Variants in BMP5 observed in about 807,000 individuals in gnomAD.
BMP5 encodes the protein bone morphogenetic protein 5.
A neutral mutation model predicts 46.6 loss-of-function variants in BMP5; 23 were observed. The observed-to-expected ratio is 0.49, with a 90% CI of 0.35 to 0.70. The LOEUF (loss-of-function observed/expected upper bound fraction) is 0.70. Ranked by LOEUF, BMP5 falls within the 30% of genes least tolerant of loss-of-function variation. The pLI, the probability that BMP5 is intolerant of heterozygous loss-of-function variation, is 0.00. For missense variants in BMP5, 545 were observed against 565.6 expected (o/e 0.96, Z 0.37); for synonymous variants, 204 against 191.9 (o/e 1.06, Z -0.52).
Position 55,839,748 on chromosome 6 carries a change from T to C in BMP5, c.491-19901A>G, listed in dbSNP as rs776656142. Among the ~76,000 whole-genome samples the C allele has an allele frequency of 1.1e-3, 162 of 152,210 alleles. 4 individuals carry two copies. The highest frequency in any genetic ancestry group is 2.8e-4 in the Non-Finnish European group (19 of 68,042). On this transcript the variant is annotated intron_variant, in intron 1 of 6. Coordinates refer to ENST00000370830, the MANE Select transcript of BMP5 (RefSeq NM_021073.4). Reference sequence around the variant, plus strand: ...TTATCCTTTTTAAATTTTGCTATTGTAGACAGTGTTATTTTAATTTACTTT... The same window carrying C: ...TTATCCTTTTTAAATTTTGCTATTGCAGACAGTGTTATTTTAATTTACTTT...
chr6:55,780,353 G>T (rs1022774933), intron 3 of BMP5, among the ~76,000 whole-genome samples: 7 of 150,748 alleles, frequency 4.6e-5, no homozygotes, highest in Admixed American at 2.7e-4. Context: ...AGGAATGGTG[G>T]CTCACGCCTG....
chr6:55,801,464 T>C (rs1452215343), intron 2 of BMP5, among the ~76,000 whole-genome samples: 1 of 152,232 alleles, frequency 6.6e-6, no homozygotes, highest in African/African-American at 2.4e-5. Flanking sequence ...CACTTTGTCC[T>C]CATGGGTTCC....
chr6:55,837,272 C>G (rs1190481084), intron 1 of BMP5, among the ~76,000 whole-genome samples: 1 of 151,588 alleles, frequency 6.6e-6, no homozygotes, highest in African/African-American at 2.4e-5. Flanking sequence ...ATTGACTTAA[C>G]TTTATGCTTT....
intron 3 of BMP5, among the ~76,000 whole-genome samples, chr6:55,778,274 G>T (rs1775225679): frequency 6.6e-6 from 1 of 151,958 alleles, no homozygotes; most frequent in African/African-American, 2.4e-5. Flanking sequence ...AAAAAGCTTG[G>T]TTGCTGGAAG....
chr6:55,771,059 A>C (rs918912555), intron 4 of BMP5, among the ~76,000 whole-genome samples: 2 of 151,920 alleles, frequency 1.3e-5, no homozygotes, highest in Non-Finnish European at 2.9e-5. Context: ...GCTGTTGGAA[A>C]AAATGTCACC....
intron 3 of BMP5, among the ~76,000 whole-genome samples, chr6:55,790,311 C>G (rs1303416786): frequency 6.6e-6 from 1 of 152,126 alleles, no homozygotes; most frequent in African/African-American, 2.4e-5. Flanking sequence ...AATTACCATT[C>G]AAGACATTTT....
At chr6:55,871,554 C>G (rs1311977919) in intron 1 of BMP5, among the ~76,000 whole-genome samples, 1 of 151,730 alleles carries the variant, frequency 6.6e-6, no homozygotes, top group African/African-American at 2.4e-5. Context: ...TTAGTAAATT[C>G]AAATCTATTT....
At chr6:55,811,635 T>G (rs1238381604) in intron 2 of BMP5, among the ~76,000 whole-genome samples, 1 of 152,012 alleles carries the variant, frequency 6.6e-6, no homozygotes. Context: ...CATACACCTC[T>G]GCCCTCTCTC....
intron 1 of BMP5, among the ~76,000 whole-genome samples, chr6:55,868,669 C>G (rs540653734): frequency 2.0e-5 from 3 of 152,262 alleles, no homozygotes; most frequent in Non-Finnish European, 2.9e-5. Context: ...GGTCAAGACT[C>G]ATACAAACTA....
At chr6:55,792,656 G>C (rs1271153413) in intron 3 of BMP5, among the ~76,000 whole-genome samples, 1 of 152,044 alleles carries the variant, frequency 6.6e-6, no homozygotes, top group Non-Finnish European at 1.5e-5. Flanking sequence ...TCACAGCATC[G>C]GTAATGGTAT....
Position 55,755,375 on chromosome 6 carries a change from A to G in BMP5, c.*158T>C. Reference sequence around the variant, plus strand: ...CAGAAGAGAATATATACGTTTAAATAAATAAAAATGACTATATACATGATA... The same window carrying G: ...CAGAAGAGAATATATACGTTTAAATGAATAAAAATGACTATATACATGATA... On this transcript the variant is annotated 3_prime_UTR_variant, in exon 7 of 7. Transcript: ENST00000370830. 1 of 671,386 alleles carries G rather than the reference A, an allele frequency of 1.5e-6. No individual in the cohort carries two copies. The highest frequency in any genetic ancestry group is 2.5e-6 in the Non-Finnish European group (1 of 397,096). The allele number at this position is 671,386 out of a possible 1,614,324, so 41.6% of individuals were successfully genotyped here. A position where few individuals can be genotyped will look rare whatever the true frequency, so the allele number is the denominator to read the frequency against.
rs544588560 is a variant in BMP5 at position 55,853,303 on chromosome 6, GCTCT to G, written c.490+21069_490+21072del. ...TGAGTAAATTATCTTTCTATTCCTA[GCTCT>G]CTCTCTGTCTCTCTCCCCCTCCCCC... On this transcript the variant is annotated intron_variant, in intron 1 of 6. Coordinates refer to ENST00000370830, the MANE Select transcript of BMP5 (RefSeq NM_021073.4). Among the ~76,000 whole-genome samples, 13 of 149,926 alleles carry G rather than the reference GCTCT, an allele frequency of 8.7e-5. No homozygotes were observed. The East Asian group carries it at 2.1e-3, about 25-fold the overall frequency.
intron 1 of BMP5, among the ~76,000 whole-genome samples, chr6:55,869,470 T>C (rs934196453): frequency 2.0e-5 from 3 of 151,978 alleles, no homozygotes; most frequent in African/African-American, 4.8e-5. Context: ...TTTCTCATTA[T>C]CTCTTTTCAA....
At chr6:55,809,534 A>G (rs1776071175) in intron 2 of BMP5, among the ~76,000 whole-genome samples, 1 of 152,134 alleles carries the variant, frequency 6.6e-6, no homozygotes, top group African/African-American at 2.4e-5. Flanking sequence ...AGAAGAGATA[A>G]GAAAAGGAAT....
intron 1 of BMP5, among the ~76,000 whole-genome samples, chr6:55,832,894 T>C (rs1190134140): frequency 6.6e-6 from 1 of 151,954 alleles, no homozygotes; most frequent in Non-Finnish European, 1.5e-5. Context: ...GAGGATCACT[T>C]GAGGGCAGGA....
At chr6:55,770,412 T>A (rs1028041843) in intron 4 of BMP5, among the ~76,000 whole-genome samples, 1 of 151,958 alleles carries the variant, frequency 6.6e-6, no homozygotes, top group Non-Finnish European at 1.5e-5. Context: ...TCTCTCAGCC[T>A]TCATAGAATT....
intron 1 of BMP5, among the ~76,000 whole-genome samples, chr6:55,864,275 G>T (rs1777590115): frequency 1.3e-5 from 2 of 152,176 alleles, no homozygotes; most frequent in Non-Finnish European, 2.9e-5. Context: ...CATGTTGAAA[G>T]TTGATTCCCA....
chr6:55,844,552 A>C (rs1203984698), intron 1 of BMP5, among the ~76,000 whole-genome samples: 1 of 152,110 alleles, frequency 6.6e-6, no homozygotes, highest in African/African-American at 2.4e-5. Flanking sequence ...TATGAGTTCT[A>C]CAAATTAACA....
chr6:55,757,103 ATATTTG>A (rs1184859539), intron 6 of BMP5, among the ~76,000 whole-genome samples: 1 of 151,892 alleles, frequency 6.6e-6, no homozygotes, highest in Non-Finnish European at 1.5e-5. Context: ...GATTTTTTTT[ATATTTG>A]TTTTTTGATA....
Sources: gnomAD v4.1 joint callset for allele counts (sites outside exome capture counted in the v4.1 genomes callset) on GRCh38, gnomAD v4.1.1 for gene constraint, MANE v1.5 for transcripts, NCBI Gene and HGNC (gene_info 2026-07-23, HGNC 2026-07-21) for gene names.